ADAMTS16: variants seen among roughly 807,000 people sequenced by gnomAD.
ADAMTS16 encodes the protein A disintegrin and metalloproteinase with thrombospondin motifs 16.
ADAMTS16 carries 94 observed loss-of-function variants against 145.8 expected under a neutral mutation model. The observed-to-expected ratio is 0.64, with a 90% CI of 0.55 to 0.77. The LOEUF is 0.77. Ranked by LOEUF, ADAMTS16 falls within the 30% of genes least tolerant of loss-of-function variation. The pLI, the probability that ADAMTS16 is intolerant of heterozygous loss-of-function variation, is 0.00. For synonymous variants in ADAMTS16, 659 were observed against 604.3 expected, an observed-to-expected ratio of 1.09 and a Z score of -1.33; for missense variants, 1,585 against 1,591.5, an observed-to-expected ratio of 1.00 and a Z score of 0.07.
chr5:5,140,779 G>A lies in ADAMTS16; in HGVS notation c.175+13G>A, dbSNP rs775433070. The A allele has an allele frequency of 2.6e-6, 4 of 1,547,668 alleles. No homozygotes were observed. The South Asian group carries it at 3.6e-5, about 14-fold the overall frequency. The stretch of plus-strand genomic sequence containing the variant: ...ATGGAAAAGGGCGGTAAGTCCGTGA[G>A]GTGGGGGCTTCTAATCCTTGCCATT... On this transcript the variant is annotated intron_variant, in intron 2 of 22. Coordinates refer to ENST00000274181, the MANE Select transcript of ADAMTS16 (RefSeq NM_139056.4).
In ADAMTS16 at chr5:5,186,292, A is replaced by G. The variant is rs201302440; in HGVS notation, c.963+41A>G. On this transcript the variant is annotated intron_variant, in intron 5 of 22. Transcript: ENST00000274181. ...CAGTTGAGGCCACCTGTGTCATTGC[A>G]CTTCGTAGGGTGTGTGTGTGTGTGT... is the stretch of plus-strand genomic sequence containing the variant. 574 of 1,481,572 alleles carry G rather than the reference A, an allele frequency of 3.9e-4. 1 individual carries two copies. The African/African-American group carries it at 8.7e-3, about 23-fold the overall frequency. The allele number at this position is 1,481,572 out of a possible 1,614,324, so 91.8% of individuals were successfully genotyped here.
intron 11 of ADAMTS16, among the ~76,000 whole-genome samples, chr5:5,231,858 G>T (rs903025111): frequency 2.0e-5 from 3 of 152,188 alleles, no homozygotes; most frequent in Non-Finnish European, 4.4e-5. Flanking sequence ...CATGGCATCA[G>T]TTAATCGTCC....
In ADAMTS16 at chr5:5,262,689, G is replaced by T. The variant is rs367852641; in HGVS notation, c.2695G>T (p.Asp899Tyr). 22 of 1,614,184 alleles carry T rather than the reference G, an allele frequency of 1.4e-5. No homozygotes were observed. The highest frequency in any genetic ancestry group is 5.0e-5 in the Admixed American group (3 of 60,020). ...GACCGTGAGAGAGGGCTGCTACAGA[G>T]ACCTGAAGTTTCAAGTAAATATGTC... ...QMTVREGCYRDLKFQVNMSFC... is the reference protein window; with the variant it reads ...QMTVREGCYRYLKFQVNMSFC... The change falls in exon 18 of 23, where the codon GAC becomes TAC. Residue 899 changes from aspartate (D) to tyrosine (Y), a missense_variant. Around this residue, in one of 3 missense-constraint regions of ADAMTS16, gnomAD observed 834 missense variants for 811.7 expected, o/e 1.03. Transcript: ENST00000274181.
chr5:5,319,094 T>C lies in ADAMTS16; in HGVS notation c.3631T>C (p.Tyr1211His), dbSNP rs781675520. 1.2e-6 allele frequency: 2 copies of C among 1,613,254 alleles called. No individual in the cohort carries two copies. The highest frequency in any genetic ancestry group is 2.7e-5 in the African/African-American group (2 of 74,938). Residue 1211 changes from tyrosine to histidine, a missense_variant, in exon 23 of 23, where the codon TAC becomes CAC. By Grantham distance (83) the Tyr-to-His change is moderately conservative. Transcript: ENST00000274181. ...GCACGGGATGTGCAGCCACAAGTTCTACGGCAAGCAGTGCTGCAAGACTTG... is the reference window on the plus strand; with the variant it reads ...GCACGGGATGTGCAGCCACAAGTTCCACGGCAAGCAGTGCTGCAAGACTTG... ...PQHGMCSHKF[Y>H]GKQCCKTCSK...
intron 17 of ADAMTS16, among the ~76,000 whole-genome samples, chr5:5,250,688 C>T (rs1302374182): frequency 7.2e-6 from 1 of 138,438 alleles, no homozygotes; most frequent in Non-Finnish European, 1.6e-5. Context: ...ACTGGTTCAT[C>T]ACCCTGTCTG....
intron 7 of ADAMTS16, among the ~76,000 whole-genome samples, chr5:5,191,369 G>A (rs1347781217): frequency 2.0e-5 from 3 of 152,082 alleles, no homozygotes. Flanking sequence ...TCCTCCATCT[G>A]CAATAGATTC....
Position 5,200,175 on chromosome 5 carries a change from T to C in ADAMTS16, c.1357T>C (p.Ser453Pro). The stretch of plus-strand genomic sequence containing the variant: ...TGGAGAAGGGAACATGTGCAAAAAG[T>C]CCGAGGGCAACATCATGTCCCCTAC... The part of the protein sequence containing the change: ...HDGEGNMCKK[S>P]EGNIMSPTLA... The change falls in exon 9 of 23, where the codon TCC becomes CCC. Residue 453 changes from serine (S) to proline (P), a missense_variant. Transcript: ENST00000274181. 2 of 1,613,798 alleles carry C rather than the reference T, an allele frequency of 1.2e-6. No homozygotes were observed. The highest frequency in any genetic ancestry group is 1.7e-6 in the Non-Finnish European group (2 of 1,179,862).
intron 15 of ADAMTS16, 111 bp from the exon 16 acceptor site, chr5:5,239,570 G>A: frequency 3.4e-6 from 5 of 1,477,276 alleles, no homozygotes; most frequent in Non-Finnish European, 4.6e-6. Flanking sequence ...TCTTCACCCA[G>A]TTCCAAATGT....
At chr5:5,238,610 G>T (rs1737184270) in intron 14 of ADAMTS16, among the ~76,000 whole-genome samples, 1 of 152,066 alleles carries the variant, frequency 6.6e-6, no homozygotes, top group Non-Finnish European at 1.5e-5. Context: ...TACATATAGA[G>T]CCTATTCTCT....
intron 17 of ADAMTS16, among the ~76,000 whole-genome samples, chr5:5,255,135 G>A (rs1475869296): frequency 6.6e-6 from 1 of 151,872 alleles, no homozygotes. Context: ...TTATATATTT[G>A]AAAAGAGTAT....
intron 7 of ADAMTS16, among the ~76,000 whole-genome samples, chr5:5,190,805 T>C (rs1045849880): frequency 2.6e-5 from 4 of 152,172 alleles, no homozygotes; most frequent in Admixed American, 2.0e-4. Context: ...TGCTTGTCCT[T>C]AGACAGCCCT....
At chr5:5,158,714 G>T (rs566513563) in intron 3 of ADAMTS16, among the ~76,000 whole-genome samples, 25 of 152,256 alleles carry the variant, frequency 1.6e-4, no homozygotes, top group African/African-American at 4.6e-4. Flanking sequence ...AATAAATGTT[G>T]CAATACACTT....
At chr5:5,254,431 T>C (rs1425154421) in intron 17 of ADAMTS16, among the ~76,000 whole-genome samples, 1 of 152,170 alleles carries the variant, frequency 6.6e-6, no homozygotes, top group African/African-American at 2.4e-5. Flanking sequence ...TGGGAATATT[T>C]CTAATGTTTC....
intron 8 of ADAMTS16, among the ~76,000 whole-genome samples, chr5:5,197,828 ATT>A (rs1322701741): frequency 2.6e-5 from 4 of 152,176 alleles, no homozygotes; most frequent in African/African-American, 9.6e-5. Context: ...GGAGACACAA[ATT>A]GTGAAATAGT....
chr5:5,164,919 A>G (rs1319208083), intron 3 of ADAMTS16, among the ~76,000 whole-genome samples: 1 of 151,836 alleles, frequency 6.6e-6, no homozygotes, highest in East Asian at 1.9e-4. Flanking sequence ...CTCATGACCC[A>G]CCCTCCTTGG....
rs920957611 is a variant in ADAMTS16, at chr5:5,215,843, A to G, written c.1605+6597A>G. On this transcript the variant is annotated intron_variant, in intron 10 of 22. Coordinates refer to ENST00000274181, the MANE Select transcript of ADAMTS16 (RefSeq NM_139056.4). ...TATGTGGTATATATATGTGGTGTGT[A>G]TATATATATATATGTGGTGTGTATG... Among the ~76,000 whole-genome samples the G allele has an allele frequency of 1.3e-4, 14 of 106,798 alleles. No homozygotes were observed. In the East Asian group the frequency reaches 1.7e-3, roughly 13 times the overall value. The allele number at this position is 106,798 out of a possible 152,430, so 70.1% of individuals were successfully genotyped here.
chr5:5,309,961 A>G (rs1212580130), intron 21 of ADAMTS16, among the ~76,000 whole-genome samples: 1 of 152,128 alleles, frequency 6.6e-6, no homozygotes, highest in African/African-American at 2.4e-5. Context: ...TCAGGTGGCC[A>G]GGTCCCCTAG....
chr5:5,182,771 C>A (rs1735377172), intron 4 of ADAMTS16, among the ~76,000 whole-genome samples: 1 of 145,656 alleles, frequency 6.9e-6, no homozygotes, highest in Non-Finnish European at 1.5e-5. Context: ...ATCACCAAAG[C>A]TTTATCAGAG....
At chr5:5,222,952 C>A in intron 11 of ADAMTS16, 68 bp downstream of exon 11, 1 of 1,423,636 alleles carries the variant, frequency 7.0e-7, no homozygotes, top group Non-Finnish European at 9.9e-7. Context: ...CATCTTTGCT[C>A]CTCTTGCATA....
Sources: gnomAD v4.1 joint callset for allele counts (sites outside exome capture counted in the v4.1 genomes callset) on GRCh38, gnomAD v4.1.1 for gene constraint, gnomAD v4.1.1 regional missense constraint, MANE v1.5 for transcripts, NCBI Gene and HGNC (gene_info 2026-07-23, HGNC 2026-07-21) for gene names.